NT5C2: variants seen among roughly 807,000 people sequenced by gnomAD.
NT5C2 encodes the protein 5'-nucleotidase, cytosolic II.
A neutral mutation model predicts 76.1 loss-of-function variants in NT5C2; 58 were observed. The ratio of observed to expected loss-of-function variants is 0.76; its 90% CI spans 0.62 to 0.95. The LOEUF (loss-of-function observed/expected upper bound fraction) is 0.95. Among genes scored for constraint, NT5C2 ranks in the 40% least tolerant of loss-of-function variants. The pLI is 0.00. For missense variants in NT5C2, 478 were observed against 690.3 expected (o/e 0.69, Z 3.45); for synonymous variants, 229 against 237.4 (o/e 0.96, Z 0.32).
At chr10:103,094,123 C>G in intron 13 of NT5C2, 85 bp from the exon 14 acceptor site, 1 of 1,051,288 alleles carries the variant, frequency 9.5e-7, no homozygotes. Context: ...TCCCACCCCC[C>G]ACCACCAGTG....
chr10:103,163,256 T>C (rs887868863), intron 3 of NT5C2, among the ~76,000 whole-genome samples: 1 of 152,210 alleles, frequency 6.6e-6, no homozygotes, highest in Non-Finnish European at 1.5e-5. Context: ...ACATTATCCA[T>C]TGTGTGAACC....
intron 4 of NT5C2, among the ~76,000 whole-genome samples, chr10:103,132,864 T>C (rs1487800405): frequency 2.0e-5 from 3 of 151,148 alleles, no homozygotes; most frequent in Non-Finnish European, 2.9e-5. Context: ...TCTAAAGTAA[T>C]TAAAAAAAAA....
chr10:103,094,332 C>G lies in NT5C2; in HGVS notation c.921+16G>C. 6 of 1,457,182 alleles carry G rather than the reference C, an allele frequency of 4.1e-6. No homozygotes were observed. The highest frequency in any genetic ancestry group is 5.8e-6 in the Non-Finnish European group (6 of 1,037,024). The allele number at this position is 1,457,182 out of a possible 1,614,324, so 90.3% of individuals were successfully genotyped here. On this transcript the variant is annotated intron_variant, in intron 13 of 18. Coordinates refer to ENST00000404739, the MANE Select transcript of NT5C2 (RefSeq NM_001351169.2). The stretch of plus-strand genomic sequence containing the variant: ...AGGACAATGTGCTAGCAAGACAGAT[C>G]ATTCTCATGACTTACAGTATCCACC...
At chr10:103,115,003 C>A (rs890949437) in intron 4 of NT5C2, among the ~76,000 whole-genome samples, 2 of 152,202 alleles carry the variant, frequency 1.3e-5, no homozygotes, top group Non-Finnish European at 2.9e-5. Flanking sequence ...CCATTATCTG[C>A]ATGATAAAAC....
chr10:103,115,465 A>C (rs1349270974), intron 4 of NT5C2, among the ~76,000 whole-genome samples: 2 of 152,154 alleles, frequency 1.3e-5, no homozygotes, highest in Non-Finnish European at 2.9e-5. Flanking sequence ...TAATAACTTC[A>C]CTGATGCCAC....
At position 103,094,471 on chromosome 10, in the gene NT5C2, C is replaced by T. The variant is rs767693894; in HGVS notation, c.814-16G>A. 3 of 1,441,248 alleles carry T rather than the reference C, an allele frequency of 2.1e-6. No individual in the cohort carries two copies. The highest frequency in any genetic ancestry group is 2.0e-6 in the Non-Finnish European group (2 of 1,023,444). 89.3% of individuals were successfully genotyped at this position (1,441,248 alleles called of 1,614,324 possible). A position where few individuals can be genotyped will look rare whatever the true frequency, so the allele number is the denominator to read the frequency against. On this transcript the variant is annotated splice_polypyrimidine_tract_variant and intron_variant, in intron 12 of 18. Transcript: ENST00000404739. ...AGCTCCCAGGCTGGTGAAGGAGAAACAGCAAAAGTTGAAACATCACTCCTT... is the reference window on the plus strand; with the variant it reads ...AGCTCCCAGGCTGGTGAAGGAGAAATAGCAAAAGTTGAAACATCACTCCTT...
intron 4 of NT5C2, among the ~76,000 whole-genome samples, chr10:103,138,134 A>G (rs1290909941): frequency 6.6e-6 from 1 of 152,206 alleles, no homozygotes; most frequent in African/African-American, 2.4e-5. Flanking sequence ...CATCTTTTCC[A>G]TATTTGTCAT....
Position 103,089,609 on chromosome 10 carries a change from G to C in NT5C2, c.*63C>G. 2 of 1,495,260 alleles carry C rather than the reference G, an allele frequency of 1.3e-6. No homozygotes were observed. The highest frequency in any genetic ancestry group is 8.9e-7 in the Non-Finnish European group (1 of 1,122,230). The allele number at this position is 1,495,260 out of a possible 1,614,324, so 92.6% of individuals were successfully genotyped here. A position where few individuals can be genotyped will look rare whatever the true frequency, so the allele number is the denominator to read the frequency against. On this transcript the variant is annotated 3_prime_UTR_variant, in exon 19 of 19. Transcript: ENST00000404739. ...CGAGTAGAACCCTAACAGGGACCTC[G>C]TTTGTTCCTGTGAGTCCTGCCAGGA...
chr10:103,162,244 G>A (rs1456575758), intron 3 of NT5C2, among the ~76,000 whole-genome samples: 2 of 152,030 alleles, frequency 1.3e-5, no homozygotes, highest in Non-Finnish European at 2.9e-5. Context: ...TCGATCTCTT[G>A]ACCTCATGAT....
intron 4 of NT5C2, among the ~76,000 whole-genome samples, chr10:103,113,674 G>C (rs116993824): frequency 0.013 from 2,041 of 152,150 alleles, 14 homozygotes; most frequent in East Asian, 0.031. Flanking sequence ...GCATATTAGA[G>C]GGGATATACA....
chr10:103,113,435 CTT>C lies in NT5C2; in HGVS notation c.176-6731_176-6730del, dbSNP rs2073550406. On this transcript the variant is annotated intron_variant, in intron 4 of 18. Transcript: ENST00000404739. ...GAAAAATTGAAAATTATTGAAATAA[CTT>C]TTAAAAATCGTCTTTAACCAAAGGA... Among the ~76,000 whole-genome samples, 5 of 152,050 alleles carry C rather than the reference CTT, an allele frequency of 3.3e-5. No individual in the cohort carries two copies. In the South Asian group the frequency reaches 1.0e-3, roughly 32 times the overall value.
intron 16 of NT5C2, among the ~76,000 whole-genome samples, chr10:103,091,265 T>G (rs778731618): frequency 6.6e-6 from 1 of 152,116 alleles, no homozygotes; most frequent in African/African-American, 2.4e-5. Context: ...GTCTCAAACT[T>G]CTGGCCTCAA....
chr10:103,094,818 G>C (rs2067787279), intron 12 of NT5C2, among the ~76,000 whole-genome samples: 1 of 148,846 alleles, frequency 6.7e-6, no homozygotes, highest in South Asian at 2.1e-4. Context: ...GGAGGGGGAG[G>C]TTGCAGTGAG....
intron 11 of NT5C2, 55 bp from the exon 12 acceptor site, chr10:103,096,035 A>G: frequency 1.6e-6 from 2 of 1,266,808 alleles, no homozygotes; most frequent in Middle Eastern, 1.9e-4. Flanking sequence ...AAAGGTATAT[A>G]ACCTAAAGAA....
At chr10:103,107,035 T>A (rs2071472093) in intron 4 of NT5C2, among the ~76,000 whole-genome samples, 1 of 152,202 alleles carries the variant, frequency 6.6e-6, no homozygotes, top group African/African-American at 2.4e-5. Flanking sequence ...AAAAAATGAA[T>A]ATGCATAGCT....
rs114878254 is a variant in NT5C2, at chr10:103,155,830, A to G, written c.102-16351T>C. ...TTTATCCTGTTGCATGCTCGATGTG[A>G]TATCACTAAAGGATCTAAGCAGGAT... is the stretch of plus-strand genomic sequence containing the variant. On this transcript the variant is annotated intron_variant, in intron 3 of 18. Transcript: ENST00000404739. Among the ~76,000 whole-genome samples the G allele has an allele frequency of 2.4e-3, 373 of 152,308 alleles. 4 individuals are homozygous for G. Among genetic ancestry groups the G allele is most frequent in the African/African-American group, 7.9e-3 (329 of 41,564 alleles).
intron 5 of NT5C2, among the ~76,000 whole-genome samples, chr10:103,106,128 TTA>T (rs2071208662): frequency 6.6e-6 from 1 of 152,202 alleles, no homozygotes; most frequent in Non-Finnish European, 1.5e-5. Context: ...CTGAGAAGGC[TTA>T]TATTTTTCTC....
At chr10:103,183,260 G>GATATATATATATATATATATATATATT (rs1177155271) in intron 1 of NT5C2, among the ~76,000 whole-genome samples, 2 of 38,796 alleles carry the variant, frequency 5.2e-5, no homozygotes, top group East Asian at 1.7e-3. Flanking sequence ...ATGTGTGTGT[G>GATATATATATATATATATATATATATT]TGATATATAT....
chr10:103,138,917 G>A (rs1402600363), intron 4 of NT5C2, among the ~76,000 whole-genome samples: 2 of 152,010 alleles, frequency 1.3e-5, no homozygotes, highest in African/African-American at 4.8e-5. Flanking sequence ...TGAGGCAGGA[G>A]AATCGCTTGA....
Sources: allele counts gnomAD v4.1 joint callset (sites outside exome capture counted in the v4.1 genomes callset), GRCh38; gene constraint gnomAD v4.1.1; transcripts MANE v1.5; gene names NCBI Gene and HGNC (gene_info 2026-07-23, HGNC 2026-07-21).